The following DPY19L4 variants were observed in gnomAD, a reference collection of about 807,000 sequenced individuals.
DPY19L4 encodes probable C-mannosyltransferase DPY19L4.
In DPY19L4, 97 loss-of-function variants were observed where a neutral mutation model predicts 102.8. The observed-to-expected ratio is 0.94, with a 90% CI of 0.80 to 1.12. The LOEUF is 1.12. DPY19L4 is among the 50% of genes most tolerant of loss of function. The probability of loss-of-function intolerance (pLI) is 0.00; values close to 1 mark genes in which losing one functional copy is unlikely to be tolerated. For synonymous variants in DPY19L4, 252 were observed against 283.1 expected (o/e 0.89, Z 1.10); for missense variants, 815 against 850.4 (o/e 0.96, Z 0.52).
intron 13 of DPY19L4, among the ~76,000 whole-genome samples, chr8:94,776,979 A>C (rs1465624860): frequency 1.3e-5 from 2 of 150,620 alleles, no homozygotes; most frequent in East Asian, 1.9e-4. Flanking sequence ...AAAAAAAAAA[A>C]CCCTTGTATG....
In DPY19L4 at chr8:94,756,160, G is replaced by T; in HGVS notation, c.735+1G>T. The T allele has an allele frequency of 6.2e-7, 1 of 1,611,488 alleles. No individual in the cohort carries two copies. Among genetic ancestry groups the T allele is most frequent in the African/African-American group, 1.3e-5 (1 of 74,932 alleles). On this transcript the variant is annotated splice_donor_variant, in intron 7 of 18. Coordinates refer to ENST00000414645, the MANE Select transcript of DPY19L4 (RefSeq NM_181787.3). LOFTEE classifies it high-confidence loss of function. ...AAGCAACTTAAATACTTATGGAGAGGTAAGATACAAATCTGTTTTATCTGT... is the reference window on the plus strand; with the variant it reads ...AAGCAACTTAAATACTTATGGAGAGTTAAGATACAAATCTGTTTTATCTGT...
chr8:94,777,193 A>G (rs1385349047), intron 13 of DPY19L4, among the ~76,000 whole-genome samples: 1 of 151,746 alleles, frequency 6.6e-6, no homozygotes, highest in African/African-American at 2.4e-5. Context: ...CAGCCTCCCA[A>G]GTAGCTGGGA....
chr8:94,766,718 C>A, intron 11 of DPY19L4, 33 bp downstream of exon 11: 1 of 1,551,042 alleles, frequency 6.4e-7, no homozygotes, highest in Non-Finnish European at 8.9e-7. Flanking sequence ...TTACCTAAAT[C>A]GATACCACTT....
intron 14 of DPY19L4, among the ~76,000 whole-genome samples, chr8:94,780,098 A>G (rs544901821): frequency 6.6e-6 from 1 of 152,174 alleles, no homozygotes; most frequent in Non-Finnish European, 1.5e-5. Flanking sequence ...AAATATTATT[A>G]TGAGCATTAC....
intron 8 of DPY19L4, 89 bp downstream of exon 8, chr8:94,761,923 CA>C (rs754785454): frequency 6.6e-6 from 9 of 1,354,078 alleles, no homozygotes; most frequent in African/African-American, 1.5e-5. Flanking sequence ...TTCATCCATA[CA>C]CTCATATGGG....
At chr8:94,747,243 G>A (rs1044820022) in intron 6 of DPY19L4, among the ~76,000 whole-genome samples, 14 of 152,090 alleles carry the variant, frequency 9.2e-5, no homozygotes, top group Admixed American at 2.6e-4. Flanking sequence ...AGTAAAGGTG[G>A]GGTCTCGCCA....
Position 94,777,700 on chromosome 8 carries a change from T to G in DPY19L4, c.1489T>G (p.Leu497Val). ...CATCTGGATTCCTTATGTGTGCATGTTAGCAGCATTTGGTGTATGTTCTCC... is the reference window on the plus strand; with the variant it reads ...CATCTGGATTCCTTATGTGTGCATGGTAGCAGCATTTGGTGTATGTTCTCC... Reference protein sequence around the residue: ...KYIWIPYVCMLAAFGVCSPEL... With the variant: ...KYIWIPYVCMVAAFGVCSPEL... The change falls in exon 14 of 19, where the codon TTA becomes GTA. Residue 497 changes from leucine (L) to valine (V), a missense_variant. Physicochemically the swap from Leu to Val is conservative, Grantham distance 32. Coordinates refer to ENST00000414645, the MANE Select transcript of DPY19L4 (RefSeq NM_181787.3). 1 of 1,614,100 alleles carries G rather than the reference T, an allele frequency of 6.2e-7. No homozygotes were observed. Among genetic ancestry groups the G allele is most frequent in the Non-Finnish European group, 8.5e-7 (1 of 1,179,996 alleles).
chr8:94,731,463 C>A (rs2130798123), intron 2 of DPY19L4, among the ~76,000 whole-genome samples: 1 of 152,338 alleles, frequency 6.6e-6, no homozygotes, highest in Non-Finnish European at 1.5e-5. Flanking sequence ...GTGGCCCAGG[C>A]TGGAGTGCAC....
At chr8:94,771,192 G>A (rs1446222437) in intron 13 of DPY19L4, among the ~76,000 whole-genome samples, 1 of 152,132 alleles carries the variant, frequency 6.6e-6, no homozygotes, top group Non-Finnish European at 1.5e-5. Flanking sequence ...TGGGATTACA[G>A]GCGTGAGCCA....
chr8:94,744,247 C>T (rs1260220552), intron 6 of DPY19L4: 1 of 417,816 alleles, frequency 2.4e-6, no homozygotes, highest in Admixed American at 2.8e-5. Context: ...GCATCTGCTT[C>T]CAAGCTCACT....
chr8:94,752,913 C>T (rs1409609662), intron 6 of DPY19L4, among the ~76,000 whole-genome samples: 1 of 151,836 alleles, frequency 6.6e-6, no homozygotes, highest in Non-Finnish European at 1.5e-5. Flanking sequence ...GATCCGCCCA[C>T]CTCGGCCTCC....
At chr8:94,720,458 G>A (rs1810409388) in intron 1 of DPY19L4, among the ~76,000 whole-genome samples, 1 of 152,162 alleles carries the variant, frequency 6.6e-6, no homozygotes, top group African/African-American at 2.4e-5. Context: ...TTCACCACGG[G>A]GATAAAGAGG....
chr8:94,749,253 G>A (rs966982049), intron 6 of DPY19L4, among the ~76,000 whole-genome samples: 1 of 152,082 alleles, frequency 6.6e-6, no homozygotes, highest in Non-Finnish European at 1.5e-5. Context: ...CCACATCCAC[G>A]GATTGTCTTC....
chr8:94,745,126 A>G (rs1464626914), intron 6 of DPY19L4: 1 of 154,512 alleles, frequency 6.5e-6, no homozygotes, highest in Non-Finnish European at 1.4e-5. Flanking sequence ...CTTGTTCCTT[A>G]ACACTGGAAG....
At position 94,755,918 on chromosome 8, in the gene DPY19L4, G is replaced by C. The variant is rs892879842; in HGVS notation, c.612-118G>C. 2.8e-6 allele frequency: 3 copies of C among 1,070,238 alleles called. No individual in the cohort carries two copies. In the East Asian group the frequency reaches 8.1e-5, roughly 29 times the overall value. The allele number at this position is 1,070,238 out of a possible 1,614,324, so 66.3% of individuals were successfully genotyped here. On this transcript the variant is annotated intron_variant, in intron 6 of 18. Transcript: ENST00000414645. ...AAAGGACAATGGTGGATCTGGCTAT[G>C]CCTACCTCACAGGATTGTTATGGAG...
chr8:94,782,306 G>C (rs149810121), intron 16 of DPY19L4, among the ~76,000 whole-genome samples: 239 of 152,256 alleles, frequency 1.6e-3, no homozygotes, highest in African/African-American at 5.2e-3. Context: ...TCATCTAGCA[G>C]GTTAACTTGG....
At chr8:94,723,441 G>C (rs930444718) in intron 1 of DPY19L4, among the ~76,000 whole-genome samples, 1 of 151,414 alleles carries the variant, frequency 6.6e-6, no homozygotes, top group Admixed American at 6.6e-5. Flanking sequence ...CCACTGCACT[G>C]CAGCCTGGGC....
chr8:94,758,409 AG>A (rs995624777), intron 7 of DPY19L4, among the ~76,000 whole-genome samples: 1 of 152,186 alleles, frequency 6.6e-6, no homozygotes, highest in Non-Finnish European at 1.5e-5. Flanking sequence ...GTGGGTGTAT[AG>A]TCATATTAGT....
chr8:94,763,254 CTT>C (rs374208413), intron 8 of DPY19L4, among the ~76,000 whole-genome samples: 5,266 of 104,854 alleles, frequency 0.05, 245 homozygotes, highest in African/African-American at 0.14. Context: ...GCCAAGGTAT[CTT>C]TTTTTTTTTT....
Sources: gnomAD v4.1 joint callset for allele counts (sites outside exome capture counted in the v4.1 genomes callset) on GRCh38, gnomAD v4.1.1 for gene constraint, MANE v1.5 for transcripts, NCBI Gene and HGNC (gene_info 2026-07-23, HGNC 2026-07-21) for gene names.